Variants in NCOR1 observed in about 807,000 individuals in gnomAD.
NCOR1 encodes nuclear receptor corepressor 1.
NCOR1 carries 63 observed loss-of-function variants against 288.1 expected under a neutral mutation model. The ratio of observed to expected loss-of-function variants is 0.22; its 90% CI spans 0.18 to 0.27. The LOEUF is 0.27. NCOR1 is among the 10% of genes least tolerant of loss of function. The pLI, the probability that NCOR1 is intolerant of heterozygous loss-of-function variation, is 1.00. For missense variants in NCOR1, 2,397 were observed against 3,019.2 expected (o/e 0.79, Z 4.83); for synonymous variants, 1,007 against 1,065.9 (o/e 0.94, Z 1.08).
rs538510304 is a variant in NCOR1 at position 16,127,382 on chromosome 17, T to C, written c.1510-1176A>G. 9.8e-5 allele frequency among the ~76,000 whole-genome samples: 13 copies of C among 132,332 alleles called. 2 individuals carry two copies. Among genetic ancestry groups the C allele is most frequent in the African/African-American group, 3.8e-4 (13 of 34,446 alleles). The allele number at this position is 132,332 out of a possible 152,430, so 86.8% of individuals were successfully genotyped here. On this transcript the variant is annotated intron_variant, in intron 14 of 45. Transcript: ENST00000268712. ...GTATATATACATGTATGTATATATG[T>C]ATGTATATATACATGTGTATATGTG... is the stretch of plus-strand genomic sequence containing the variant.
intron 42 of NCOR1, 24 bp downstream of exon 42, chr17:16,046,927 G>T (rs545711756): frequency 1.2e-6 from 2 of 1,610,790 alleles, no homozygotes; most frequent in Non-Finnish European, 1.7e-6. Flanking sequence ...TTTATTTGGG[G>T]TTCATGAAAG....
rs1599865984 is a variant in NCOR1, at chr17:16,171,739, A to G, written c.435+64T>C. 24 of 1,345,862 alleles carry G rather than the reference A, an allele frequency of 1.8e-5. No individual in the cohort carries two copies. The East Asian group carries it at 6.2e-4, about 35-fold the overall frequency. The allele number at this position is 1,345,862 out of a possible 1,614,324, so 83.4% of individuals were successfully genotyped here. ...CTGGACTTTCTTTGAGGTGCTATGC[A>G]TGAGTATAACTAAATAAACATTACA... On this transcript the variant is annotated intron_variant, in intron 4 of 45. Coordinates refer to ENST00000268712, the MANE Select transcript of NCOR1 (RefSeq NM_006311.4).
intron 23 of NCOR1, among the ~76,000 whole-genome samples, chr17:16,081,212 T>C (rs2063345038): frequency 8.7e-6 from 1 of 115,464 alleles, no homozygotes; most frequent in South Asian, 2.6e-4. Context: ...TGTTTTCTTT[T>C]TGTTTTTTTT....
At chr17:16,111,972 C>T (rs996931951) in intron 18 of NCOR1, among the ~76,000 whole-genome samples, 3 of 151,974 alleles carry the variant, frequency 2.0e-5, no homozygotes, top group African/African-American at 4.8e-5. Flanking sequence ...CGGGTTCAGG[C>T]CATTCTCCTG....
intron 14 of NCOR1, among the ~76,000 whole-genome samples, chr17:16,133,782 T>C (rs561947661): frequency 6.6e-6 from 1 of 152,282 alleles, no homozygotes; most frequent in South Asian, 2.1e-4. Context: ...TGCTCCTCCT[T>C]CAGTCATGCC....
At position 16,171,931 on chromosome 17, in the gene NCOR1, A is replaced by T. The variant is rs771160314; in HGVS notation, c.307T>A (p.Ser103Thr). ...AGACGTGGTCGCTTCGATTCCAGTG[A>T]ATCATGATCCACTGGGGATGGGCCT... Reference protein sequence around the residue: ...HPGPSPVDHDSLESKRPRLEQ... With the variant: ...HPGPSPVDHDTLESKRPRLEQ... The change falls in exon 4 of 46, where the codon TCA becomes ACA. Residue 103 changes from serine (S) to threonine (T), a missense_variant. Coordinates refer to ENST00000268712, the MANE Select transcript of NCOR1 (RefSeq NM_006311.4). The T allele has an allele frequency of 1.2e-6, 2 of 1,612,090 alleles. No homozygotes were observed. The highest frequency in any genetic ancestry group is 1.7e-6 in the Non-Finnish European group (2 of 1,179,076).
chr17:16,192,081 C>G (rs2088513059), intron 2 of NCOR1: 1 of 150,794 alleles, frequency 6.6e-6, no homozygotes, highest in African/African-American at 2.4e-5. Flanking sequence ...CTGTGCTGAC[C>G]AGTAGTGGGA....
chr17:16,186,141 G>A (rs539950677), intron 3 of NCOR1, among the ~76,000 whole-genome samples: 3 of 152,190 alleles, frequency 2.0e-5, no homozygotes, highest in Admixed American at 6.5e-5. Flanking sequence ...AGCTTGAAGA[G>A]TTGAGATCAG....
Position 16,071,559 on chromosome 17 carries a change from T to C in NCOR1, c.4002A>G (p.Lys1334=). ...PIRAFEGAIT[K]GKPYDGITTI... is the part of the protein sequence containing the mutation. ...TGGTGATGCCATCATATGGTTTTCC[T>C]TTGGTAATGGCACCTTCAAATGCTC... Residue 1334 remains lysine (K), a synonymous_variant, in exon 30 of 46, where the codon AAA becomes AAG. Coordinates refer to ENST00000268712, the MANE Select transcript of NCOR1 (RefSeq NM_006311.4). The C allele has an allele frequency of 1.9e-6, 3 of 1,614,154 alleles. No homozygotes were observed. The African/African-American group carries it at 4.0e-5, about 22-fold the overall frequency.
chr17:16,056,270 T>C (rs1447230542), intron 40 of NCOR1, among the ~76,000 whole-genome samples: 1 of 151,068 alleles, frequency 6.6e-6, no homozygotes, highest in African/African-American at 2.4e-5. Context: ...ATCTTTGATC[T>C]GCCCATATCT....
At chr17:16,107,910 T>A (rs1395810815) in intron 19 of NCOR1, among the ~76,000 whole-genome samples, 1 of 151,166 alleles carries the variant, frequency 6.6e-6, no homozygotes, top group South Asian at 2.1e-4. Context: ...ACAACAAGAA[T>A]AATCTATAGG....
At position 16,064,120 on chromosome 17, in the gene NCOR1, C is replaced by CTCCTTCTCCCGCTCCCGT. The variant is rs2060848928; in HGVS notation, c.5151_5168dup (p.Lys1722_Glu1727dup). ...CTGCAGCAATCCGTTCCCGCTCCCG[C>CTCCTTCTCCCGCTCCCGT]TCCTTCTCCCGCTCCCGTTCCCGTT... On this transcript the variant is annotated inframe_insertion, in exon 35 of 46. Coordinates refer to ENST00000268712, the MANE Select transcript of NCOR1 (RefSeq NM_006311.4). 2 of 1,614,134 alleles carry CTCCTTCTCCCGCTCCCGT rather than the reference C, an allele frequency of 1.2e-6. No individual in the cohort carries two copies. Among genetic ancestry groups the CTCCTTCTCCCGCTCCCGT allele is most frequent in the African/African-American group, 1.3e-5 (1 of 75,026 alleles).
intron 8 of NCOR1, among the ~76,000 whole-genome samples, chr17:16,151,093 T>G (rs1199632670): frequency 1.3e-5 from 2 of 151,588 alleles, no homozygotes; most frequent in African/African-American, 4.8e-5. Context: ...GTAACCATAC[T>G]AGTAAATAAT....
At chr17:16,038,434 T>TC (rs2056872181) in intron 44 of NCOR1, among the ~76,000 whole-genome samples, 1 of 100,586 alleles carries the variant, frequency 9.9e-6, no homozygotes, top group Non-Finnish European at 2.2e-5. Flanking sequence ...TTTTTCCTAC[T>TC]CTTTTTTTTT....
At chr17:16,039,269 T>C (rs1446482506) in intron 44 of NCOR1, 164 bp downstream of exon 44, 1 of 645,248 alleles carries the variant, frequency 1.5e-6, no homozygotes, top group East Asian at 2.8e-5. Context: ...TTATAATGTC[T>C]GGGTAGGTTT....
intron 5 of NCOR1, among the ~76,000 whole-genome samples, chr17:16,161,578 G>A (rs886171148): frequency 6.6e-6 from 1 of 152,122 alleles, no homozygotes; most frequent in Admixed American, 6.6e-5. Flanking sequence ...ATTACAGGTT[G>A]AGCCACCGAG....
Position 16,044,688 on chromosome 17 carries a change from T to C in NCOR1, c.6679+2263A>G, listed in dbSNP as rs575800273. Reference sequence around the variant, plus strand: ...ACTCTGCATGACAATGAGGTGACCATCACGGAGGATAAGATCAATGCCCTC... The same window carrying C: ...ACTCTGCATGACAATGAGGTGACCACCACGGAGGATAAGATCAATGCCCTC... On this transcript the variant is annotated intron_variant, in intron 42 of 45. Coordinates refer to ENST00000268712, the MANE Select transcript of NCOR1 (RefSeq NM_006311.4). 6 of 678,274 alleles carry C rather than the reference T, an allele frequency of 8.8e-6. No individual in the cohort carries two copies. In the African/African-American group the frequency reaches 8.9e-5, roughly 10 times the overall value. 42.0% of individuals were successfully genotyped at this position (678,274 alleles called of 1,614,324 possible).
At chr17:16,071,213 G>C (rs2152732302) in intron 30 of NCOR1, among the ~76,000 whole-genome samples, 196 bp downstream of exon 30, 1 of 152,070 alleles carries the variant, frequency 6.6e-6, no homozygotes, top group East Asian at 1.9e-4. Flanking sequence ...AGGAGGTCAA[G>C]GCTATATAGT....
At chr17:16,034,097 TCTTAGAAGTGG>T (rs200658349) in intron 45 of NCOR1, among the ~76,000 whole-genome samples, 1,551 of 152,338 alleles carry the variant, frequency 0.01, 32 homozygotes, top group African/African-American at 0.035. Context: ...GGTGAAGTAC[TCTTAGAAGTGG>T]CATGGGTACA....
Sources: gnomAD v4.1 joint callset for allele counts (sites outside exome capture counted in the v4.1 genomes callset) on GRCh38, gnomAD v4.1.1 for gene constraint, MANE v1.5 for transcripts, NCBI Gene and HGNC (gene_info 2026-07-23, HGNC 2026-07-21) for gene names.